The following ANO10 variants were observed in gnomAD, a reference collection of about 807,000 sequenced individuals.
The protein encoded by ANO10 is anoctamin 10.
Under a neutral mutation model 74.7 loss-of-function variants are expected in ANO10, and 77 were observed. That is an observed-to-expected ratio of 1.03 (90% confidence interval 0.86 to 1.25). The LOEUF is 1.25. Among genes scored for constraint, ANO10 ranks in the 50% most tolerant of loss-of-function variants. ANO10 has a pLI of 0.00. For synonymous variants in ANO10, 279 were observed against 284.9 expected (o/e 0.98, Z 0.21); for missense variants, 721 against 778.1 (o/e 0.93, Z 0.87).
chr3:43,407,920 TG>T lies in ANO10; in HGVS notation c.1914+24690del, dbSNP rs1396804562. On this transcript the variant is annotated intron_variant, in intron 12 of 12. Coordinates refer to ENST00000292246, the MANE Select transcript of ANO10 (RefSeq NM_018075.5). ...TGCAAGCACAGCCACATGGAGGGGC[TG>T]GGGTTTCTCTTGAGTCATGCAGAGC... is the stretch of plus-strand genomic sequence containing the variant. Among the ~76,000 whole-genome samples the T allele has an allele frequency of 2.0e-5, 3 of 152,170 alleles. No individual in the cohort carries two copies. In the East Asian group the frequency reaches 5.8e-4, roughly 29 times the overall value.
intron 1 of ANO10, among the ~76,000 whole-genome samples, chr3:43,655,377 C>A (rs1212522869): frequency 6.6e-6 from 1 of 152,146 alleles, no homozygotes; most frequent in Non-Finnish European, 1.5e-5. Context: ...AAGCTGCAGA[C>A]CTTGGCGGTG....
intron 11 of ANO10, among the ~76,000 whole-genome samples, chr3:43,510,600 C>T (rs370981661): frequency 1.3e-5 from 2 of 152,076 alleles, no homozygotes; most frequent in African/African-American, 4.8e-5. Context: ...AACAGGTACA[C>T]AAAATCTCTG....
chr3:43,425,985 C>G (rs1323187974), intron 12 of ANO10, among the ~76,000 whole-genome samples: 2 of 152,126 alleles, frequency 1.3e-5, no homozygotes, highest in African/African-American at 4.8e-5. Context: ...ACCTTGGCTT[C>G]CACAAACCCC....
At chr3:43,458,642 T>G (rs1463177521) in intron 11 of ANO10, among the ~76,000 whole-genome samples, 2 of 152,192 alleles carry the variant, frequency 1.3e-5, no homozygotes, top group East Asian at 3.8e-4. Flanking sequence ...TAAACCGACT[T>G]CTTTTTTCTC....
intron 1 of ANO10, among the ~76,000 whole-genome samples, chr3:43,649,910 C>T (rs1350586487): frequency 6.6e-6 from 1 of 152,168 alleles, no homozygotes; most frequent in Non-Finnish European, 1.5e-5. Context: ...TGGGCTCTGG[C>T]CCCACAGCAG....
intron 11 of ANO10, among the ~76,000 whole-genome samples, chr3:43,526,444 A>T (rs549768339): frequency 1.3e-5 from 2 of 152,334 alleles, no homozygotes; most frequent in African/African-American, 2.4e-5. Context: ...ACAGAGGATT[A>T]ACTGACCAGG....
At chr3:43,457,203 A>T (rs2075167550) in intron 11 of ANO10, among the ~76,000 whole-genome samples, 2 of 152,248 alleles carry the variant, frequency 1.3e-5, no homozygotes, top group Admixed American at 1.3e-4. Context: ...TGGCACACAA[A>T]ATGCCTCTTA....
chr3:43,473,613 A>G (rs1316294580), intron 11 of ANO10, among the ~76,000 whole-genome samples: 2 of 152,192 alleles, frequency 1.3e-5, no homozygotes, highest in South Asian at 2.1e-4. Context: ...TATGCCCAAT[A>G]CTGTTCCTAG....
At chr3:43,503,441 G>A (rs1039273924) in intron 11 of ANO10, among the ~76,000 whole-genome samples, 3 of 152,134 alleles carry the variant, frequency 2.0e-5, no homozygotes, top group African/African-American at 7.2e-5. Flanking sequence ...ATGAGGAGAG[G>A]GGAGTAGGCC....
At chr3:43,508,967 A>AG (rs1348387151) in intron 11 of ANO10, among the ~76,000 whole-genome samples, 1 of 149,226 alleles carries the variant, frequency 6.7e-6, no homozygotes, top group East Asian at 2.0e-4. Context: ...AGAAAAGAAA[A>AG]AAAGAAATCT....
chr3:43,402,815 T>A (rs1406402268), intron 12 of ANO10, among the ~76,000 whole-genome samples: 1 of 152,174 alleles, frequency 6.6e-6, no homozygotes, highest in Non-Finnish European at 1.5e-5. Context: ...AACTGAACAG[T>A]AGACCACTGA....
Position 43,640,322 on chromosome 3 carries a change from A to G in ANO10, c.-11-34459T>C, listed in dbSNP as rs184230019. Among the ~76,000 whole-genome samples, 403 of 152,322 alleles carry G rather than the reference A, an allele frequency of 2.6e-3. 4 individuals are homozygous for G. The highest frequency in any genetic ancestry group is 9.4e-3 in the African/African-American group (389 of 41,570). On this transcript the variant is annotated intron_variant, in intron 1 of 3. Transcript: ENST00000413397. ...CATTCTGTTGTTTCTAAACCAACAA[A>G]AAGCATGGTGAAGAGAAGGCATCTG...
At chr3:43,645,665 T>TTAAAA (rs902430344) in intron 1 of ANO10, among the ~76,000 whole-genome samples, 8 of 152,186 alleles carry the variant, frequency 5.3e-5, no homozygotes, top group African/African-American at 1.9e-4. Flanking sequence ...CTATGTTTGC[T>TTAAAA]TAAAATAAAA....
At chr3:43,580,588 A>T in intron 4 of ANO10, 116 bp from the exon 5 acceptor site, 1 of 1,243,782 alleles carries the variant, frequency 8.0e-7, no homozygotes, top group Non-Finnish European at 1.1e-6. Context: ...GGTCAATGTC[A>T]TACTGCCTAC....
At chr3:43,396,973 A>C (rs1169670439) in intron 12 of ANO10, among the ~76,000 whole-genome samples, 1 of 149,582 alleles carries the variant, frequency 6.7e-6, no homozygotes, top group Non-Finnish European at 1.5e-5. Flanking sequence ...CTTGTTGCCC[A>C]TGCTGGAGTG....
At chr3:43,500,438 A>G (rs1048547527) in intron 11 of ANO10, among the ~76,000 whole-genome samples, 4 of 152,210 alleles carry the variant, frequency 2.6e-5, no homozygotes, top group African/African-American at 9.6e-5. Context: ...TACTGACTGA[A>G]ACCATGAGGA....
At position 43,642,680 on chromosome 3, in the gene ANO10, C is replaced by T. The variant is rs139885072; in HGVS notation, c.-11-36817G>A. On this transcript the variant is annotated intron_variant, in intron 1 of 3. Coordinates refer to the ANO10 transcript ENST00000413397. ...CCCTCTCCCTTCACTTCATTCCCCC[C>T]ACCTCCTATAGGTAATTATTTTTAT... Among the ~76,000 whole-genome samples the T allele has an allele frequency of 5.9e-3, 899 of 152,198 alleles. 3 individuals are homozygous for T. The highest frequency in any genetic ancestry group is 0.01 in the Middle Eastern group (3 of 292).
chr3:43,490,850 G>A (rs1023435440), intron 11 of ANO10, among the ~76,000 whole-genome samples: 1 of 152,144 alleles, frequency 6.6e-6, no homozygotes, highest in African/African-American at 2.4e-5. Context: ...ATGGTCAGGC[G>A]GTTGCTGACT....
chr3:43,668,617 G>A (rs2084020265), intron 1 of ANO10, among the ~76,000 whole-genome samples: 1 of 151,914 alleles, frequency 6.6e-6, no homozygotes, highest in African/African-American at 2.4e-5. Context: ...GGTAATAGAT[G>A]GGGATCTAGT....
Sources: allele counts gnomAD v4.1 joint callset (sites outside exome capture counted in the v4.1 genomes callset), GRCh38; gene constraint gnomAD v4.1.1; transcripts MANE v1.5; gene names NCBI Gene and HGNC (gene_info 2026-07-23, HGNC 2026-07-21).